Variants in ATP5F1B observed in about 807,000 individuals in gnomAD.
The protein encoded by ATP5F1B is ATP synthase F(1) complex subunit beta, mitochondrial.
A neutral mutation model predicts 45.9 loss-of-function variants in ATP5F1B; 17 were observed. The observed-to-expected ratio is 0.37, with a 90% CI of 0.25 to 0.56. The LOEUF is 0.56. ATP5F1B is among the 20% of genes least tolerant of loss of function. ATP5F1B has a pLI of 0.80. For missense variants in ATP5F1B, 387 were observed against 673.2 expected (o/e 0.57, Z 4.70); for synonymous variants, 218 against 256.5 (o/e 0.85, Z 1.43).
rs537250240 is a variant in ATP5F1B, at chr12:56,640,321, T to C, written c.1075-129A>G. 1.8e-3 allele frequency: 1,297 copies of C among 734,162 alleles called. 3 individuals are homozygous for C. The highest frequency in any genetic ancestry group is 2.2e-3 in the Non-Finnish European group (1,005 of 463,268). The allele number at this position is 734,162 out of a possible 1,614,324, so 45.5% of individuals were successfully genotyped here. A position where few individuals can be genotyped will look rare whatever the true frequency, so the allele number is the denominator to read the frequency against. ...TCGGCTCACTGCAACCTCTGCCTCC[T>C]GGATTCAAGCAATTCTCTGTCTCAG... is the stretch of plus-strand genomic sequence containing the variant. On this transcript the variant is annotated intron_variant, in intron 7 of 9. Coordinates refer to ENST00000262030, the MANE Select transcript of ATP5F1B (RefSeq NM_001686.4).
chr12:56,643,912 C>A lies in ATP5F1B; in HGVS notation c.532G>T (p.Val178Phe). Residue 178 changes from valine (V) to phenylalanine (F), a missense_variant, in exon 4 of 10, where the codon GTT becomes TTT. Val to Phe is a conservative substitution (Grantham distance 50). Coordinates refer to ENST00000262030, the MANE Select transcript of ATP5F1B (RefSeq NM_001686.4). The part of the protein sequence containing the change: ...AEAPEFMEMS[V>F]EQEILVTGIK... ...CCAGTCACCAGAATTTCCTGCTCAA[C>A]ACTCATTTCCATGAACTCTGGAGCC... 6.2e-7 allele frequency: 1 copy of A among 1,614,194 alleles called. No homozygotes were observed. The highest frequency in any genetic ancestry group is 1.1e-5 in the South Asian group (1 of 91,084).
At chr12:56,640,890 G>C (rs1592644189) in intron 7 of ATP5F1B, among the ~76,000 whole-genome samples, 1 of 145,404 alleles carries the variant, frequency 6.9e-6, no homozygotes, top group African/African-American at 2.6e-5. Flanking sequence ...AAAAAAAACG[G>C]AAACAAAAAT....
In ATP5F1B at chr12:56,645,981, G is replaced by C; in HGVS notation, c.-18C>G. The stretch of plus-strand genomic sequence containing the variant: ...CCCAACATGGCGTAGTCCGGGTGGA[G>C]ACTGAAGGCTGCAGCAACCGCAGCC... On this transcript the variant is annotated 5_prime_UTR_variant, in exon 1 of 10. Coordinates refer to ENST00000262030, the MANE Select transcript of ATP5F1B (RefSeq NM_001686.4). 1 of 1,586,622 alleles carries C rather than the reference G, an allele frequency of 6.3e-7. No individual in the cohort carries two copies. Among genetic ancestry groups the C allele is most frequent in the Non-Finnish European group, 8.6e-7 (1 of 1,167,036 alleles).
chr12:56,639,958 TCC>T lies in ATP5F1B; in HGVS notation c.1287+20_1287+21del. On this transcript the variant is annotated intron_variant, in intron 8 of 9. Coordinates refer to ENST00000262030, the MANE Select transcript of ATP5F1B (RefSeq NM_001686.4). ...CTCTTTTTGACTTTCCGGACACTGA[TCC>T]CACATAGTAATATACTCACCTGCAG... 6.2e-7 allele frequency: 1 copy of T among 1,612,758 alleles called. No homozygotes were observed. Among genetic ancestry groups the T allele is most frequent in the Non-Finnish European group, 8.5e-7 (1 of 1,179,016 alleles).
intron 5 of ATP5F1B, 85 bp downstream of exon 5, chr12:56,643,318 A>T: frequency 1.6e-6 from 2 of 1,243,086 alleles, no homozygotes; most frequent in Non-Finnish European, 2.2e-6. Flanking sequence ...AAAAAAAATT[A>T]AATAGAAAAT....
chr12:56,643,276 A>C, intron 5 of ATP5F1B, 127 bp downstream of exon 5: 1 of 913,632 alleles, frequency 1.1e-6, no homozygotes, highest in South Asian at 2.6e-5. Flanking sequence ...CTGGGACACG[A>C]AAATGAAAAT....
rs752112335 is a variant in ATP5F1B at position 56,642,588 on chromosome 12, A to G, written c.952-8T>C. ...GCCCAATAATGCAGACACCTAAAAG[A>G]AAAAAAGGTCTTAGGTGTCTACATC... On this transcript the variant is annotated splice_polypyrimidine_tract_variant and splice_region_variant and intron_variant, in intron 6 of 9. Transcript: ENST00000262030. 1 of 1,613,656 alleles carries G rather than the reference A, an allele frequency of 6.2e-7. No individual in the cohort carries two copies. The highest frequency in any genetic ancestry group is 2.2e-5 in the East Asian group (1 of 44,874).
intron 3 of ATP5F1B, 29 bp downstream of exon 3, chr12:56,644,752 T>A (rs1951537819): frequency 6.3e-7 from 1 of 1,584,306 alleles, no homozygotes; most frequent in Non-Finnish European, 8.6e-7. Context: ...GAAGTTCCTT[T>A]GTGCATAGAT....
chr12:56,640,274 G>A lies in ATP5F1B; in HGVS notation c.1075-82C>T, dbSNP rs1592644030. ...GAGAGGGTCTCGCTCTGTCGCCCAG[G>A]CTGGAGTGCAGTGGTGCAATCTCGG... On this transcript the variant is annotated intron_variant, in intron 7 of 9. Transcript: ENST00000262030. 4.8e-6 allele frequency: 6 copies of A among 1,240,948 alleles called. No individual in the cohort carries two copies. In the Admixed American group the frequency reaches 8.7e-5, roughly 18 times the overall value. The allele number at this position is 1,240,948 out of a possible 1,614,324, so 76.9% of individuals were successfully genotyped here. A position where few individuals can be genotyped will look rare whatever the true frequency, so the allele number is the denominator to read the frequency against.
At chr12:56,645,102 C>A (rs1254802486) in intron 2 of ATP5F1B, 69 bp downstream of exon 2, 1 of 1,608,114 alleles carries the variant, frequency 6.2e-7, no homozygotes, top group African/African-American at 1.3e-5. Flanking sequence ...TCATAGAAGG[C>A]AGACAGCTTG....
intron 5 of ATP5F1B, 62 bp downstream of exon 5, chr12:56,643,341 T>G: frequency 7.1e-7 from 1 of 1,404,036 alleles, no homozygotes; most frequent in Non-Finnish European, 9.7e-7. Context: ...AGAACATGGC[T>G]TCAGTTGGCA....
At chr12:56,642,378 CA>C in intron 7 of ATP5F1B, 79 bp downstream of exon 7, 1 of 1,580,814 alleles carries the variant, frequency 6.3e-7, no homozygotes. Flanking sequence ...CTTCCTGCCT[CA>C]GCCTCCTCAG....
chr12:56,645,705 T>C, intron 1 of ATP5F1B, 132 bp downstream of exon 1: 2 of 1,465,544 alleles, frequency 1.4e-6, no homozygotes, highest in Non-Finnish European at 1.9e-6. Flanking sequence ...TCTCCAGCCA[T>C]TAGAGAGCAA....
intron 5 of ATP5F1B, 110 bp from the exon 6 acceptor site, chr12:56,642,941 G>T (rs1411656197): frequency 8.1e-7 from 1 of 1,237,354 alleles, no homozygotes; most frequent in Non-Finnish European, 1.1e-6. Context: ...GAAGGTGTCA[G>T]CGTTTTTGTG....
At chr12:56,641,852 C>G (rs1430362147) in intron 7 of ATP5F1B, among the ~76,000 whole-genome samples, 2 of 151,880 alleles carry the variant, frequency 1.3e-5, no homozygotes, top group Non-Finnish European at 2.9e-5. Flanking sequence ...TGCCCGGCCC[C>G]AAAGTGCTGG....
rs774568728 is a variant in ATP5F1B, at chr12:56,644,863, G to A, written c.403C>T (p.Pro135Ser). 1 of 1,614,150 alleles carries A rather than the reference G, an allele frequency of 6.2e-7. No homozygotes were observed. Among genetic ancestry groups the A allele is most frequent in the Non-Finnish European group, 8.5e-7 (1 of 1,180,038 alleles). The change falls in exon 3 of 10, where the codon CCT (proline) becomes TCT (serine). Residue 135 changes from proline (P) to serine (S), a missense_variant. Physicochemically the swap from Pro to Ser is moderately conservative, Grantham distance 74. Transcript: ENST00000262030. ...CTGCCCAAAGTCTCAGGACCAACAG[G>A]AATTTTGATTGGTGCACCAGAATCC... ...VLDSGAPIKIPVGPETLGRIM... is the reference protein window; with the variant it reads ...VLDSGAPIKISVGPETLGRIM...
chr12:56,645,508 G>A (rs940953631), intron 1 of ATP5F1B, among the ~76,000 whole-genome samples, 155 bp from the exon 2 acceptor site: 1 of 152,126 alleles, frequency 6.6e-6, no homozygotes, highest in Admixed American at 6.6e-5. Context: ...GCCGCGCAGC[G>A]ATCGATAAAG....
chr12:56,644,397 A>C (rs912854271), intron 3 of ATP5F1B, among the ~76,000 whole-genome samples: 1 of 151,894 alleles, frequency 6.6e-6, no homozygotes, highest in Non-Finnish European at 1.5e-5. Context: ...AATCACCCAA[A>C]ATCAGGAGTT....
chr12:56,642,237 C>T (rs1303156335), intron 7 of ATP5F1B, among the ~76,000 whole-genome samples: 3 of 152,046 alleles, frequency 2.0e-5, no homozygotes, highest in African/African-American at 4.8e-5. Context: ...ACCTCATGAT[C>T]CGCGTACCTC....
Sources: gnomAD v4.1 joint callset for allele counts (sites outside exome capture counted in the v4.1 genomes callset) on GRCh38, gnomAD v4.1.1 for gene constraint, MANE v1.5 for transcripts, NCBI Gene and HGNC (gene_info 2026-07-23, HGNC 2026-07-21) for gene names.